ERBIN: variants seen among roughly 807,000 people sequenced by gnomAD.
ERBIN encodes erbb2 interacting protein, also known as densin-180-like protein.
In ERBIN, 60 loss-of-function variants were observed where a neutral mutation model predicts 158.4. The ratio of observed to expected loss-of-function variants is 0.38; its 90% CI spans 0.31 to 0.47. The LOEUF is 0.47. ERBIN is among the 20% of genes least tolerant of loss of function. ERBIN has a pLI of 0.99. For synonymous variants in ERBIN, 594 were observed against 557.2 expected, an observed-to-expected ratio of 1.07 and a Z score of -0.93; for missense variants, 1,610 against 1,648.0, an observed-to-expected ratio of 0.98 and a Z score of 0.40.
At chr5:66,067,420 G>A (rs940943333) in intron 21 of ERBIN, among the ~76,000 whole-genome samples, 11 of 152,186 alleles carry the variant, frequency 7.2e-5, no homozygotes, top group African/African-American at 2.2e-4. Flanking sequence ...GTTTCATCCA[G>A]TTTGACCATT....
intron 9 of ERBIN, 63 bp downstream of exon 9, chr5:66,023,427 T>C: frequency 2.1e-6 from 2 of 975,360 alleles, no homozygotes; most frequent in Non-Finnish European, 3.1e-6. Flanking sequence ...GTTTTGTGAA[T>C]TGTACCTTTT....
At chr5:65,930,724 C>A (rs761154284) in intron 1 of ERBIN, among the ~76,000 whole-genome samples, 1 of 152,154 alleles carries the variant, frequency 6.6e-6, no homozygotes, top group Non-Finnish European at 1.5e-5. Flanking sequence ...GACTTTGTAA[C>A]CCTCTCTACC....
intron 18 of ERBIN, among the ~76,000 whole-genome samples, chr5:66,047,089 C>T (rs1758517266): frequency 6.6e-6 from 1 of 152,002 alleles, no homozygotes; most frequent in Admixed American, 6.6e-5. Context: ...TGTTTCTCAC[C>T]CCAGAAAGAA....
At position 66,048,859 on chromosome 5, in the gene ERBIN, G is replaced by T. The variant is rs932407465; in HGVS notation, c.1903+78G>T. The T allele has an allele frequency of 1.6e-5, 13 of 823,192 alleles. No homozygotes were observed. In the African/African-American group the frequency reaches 2.3e-4, roughly 15 times the overall value. The allele number at this position is 823,192 out of a possible 1,614,324, so 51.0% of individuals were successfully genotyped here. ...AAATTTTTTTGAAATAAATTTCATT[G>T]AATATTATGTTATTTGATACATTTT... On this transcript the variant is annotated intron_variant, in intron 19 of 25. Coordinates refer to ENST00000284037, the MANE Select transcript of ERBIN (RefSeq NM_001253697.2).
rs1005415668 is a variant in ERBIN, at chr5:66,007,024, C to G, written c.308-5025C>G. 8.0e-5 allele frequency among the ~76,000 whole-genome samples: 12 copies of G among 149,246 alleles called. No individual in the cohort carries two copies. The East Asian group carries it at 1.4e-3, about 17-fold the overall frequency. On this transcript the variant is annotated intron_variant, in intron 4 of 25. Coordinates refer to ENST00000284037, the MANE Select transcript of ERBIN (RefSeq NM_001253697.2). Reference sequence around the variant, plus strand: ...AGAATAGAAATACCATTTGACCCAGCAATCCCATTACTGGGTATATACCCA... The same window carrying G: ...AGAATAGAAATACCATTTGACCCAGGAATCCCATTACTGGGTATATACCCA...
intron 6 of ERBIN, among the ~76,000 whole-genome samples, chr5:66,014,104 TTTAAA>T (rs1198705162): frequency 7.2e-5 from 11 of 152,136 alleles, no homozygotes; most frequent in Admixed American, 3.3e-4. Context: ...TATTACTGAG[TTTAAA>T]TTAACTACTA....
At chr5:66,020,701 TC>T (rs1755595466) in intron 7 of ERBIN, among the ~76,000 whole-genome samples, 3 of 152,102 alleles carry the variant, frequency 2.0e-5, no homozygotes, top group Admixed American at 2.0e-4. Context: ...TCTTTCAAGT[TC>T]CTGTAATTTC....
chr5:65,988,948 ACTCCAGC>A (rs1268615070), intron 2 of ERBIN, among the ~76,000 whole-genome samples: 9 of 134,128 alleles, frequency 6.7e-5, no homozygotes, highest in South Asian at 2.3e-4. Flanking sequence ...GCACCACTGC[ACTCCAGC>A]CTGGGCAACA....
In ERBIN at chr5:66,045,206, G is replaced by A. The variant is rs115812298; in HGVS notation, c.1602+896G>A. Among the ~76,000 whole-genome samples, 865 of 152,088 alleles carry A rather than the reference G, an allele frequency of 5.7e-3. 7 individuals carry two copies. Among genetic ancestry groups the A allele is most frequent in the African/African-American group, 0.02 (810 of 41,480 alleles). ...AGCACTCCGGCATGGGTGACAGAGC[G>A]AGACCCTGTCTCAAAAAAAGAAAAA... is the stretch of plus-strand genomic sequence containing the variant. On this transcript the variant is annotated intron_variant, in intron 17 of 25. Transcript: ENST00000284037.
chr5:65,981,023 A>C (rs1456551156), intron 1 of ERBIN, among the ~76,000 whole-genome samples: 1 of 152,244 alleles, frequency 6.6e-6, no homozygotes, highest in African/African-American at 2.4e-5. Context: ...GGAACCTCTC[A>C]CTAAGAATTA....
At chr5:65,978,422 A>C (rs866881059) in intron 1 of ERBIN, among the ~76,000 whole-genome samples, 2 of 152,204 alleles carry the variant, frequency 1.3e-5, no homozygotes, top group Non-Finnish European at 1.5e-5. Flanking sequence ...AAGTTACATC[A>C]GTCCTGCTAC....
At chr5:66,025,595 T>G in intron 11 of ERBIN, 43 bp downstream of exon 11, 1 of 1,405,992 alleles carries the variant, frequency 7.1e-7, no homozygotes, top group Non-Finnish European at 1.0e-6. Flanking sequence ...GATTTTACTT[T>G]CAGTTCAGCA....
chr5:66,046,179 T>C (rs1017030041), intron 17 of ERBIN, among the ~76,000 whole-genome samples, 174 bp from the exon 18 acceptor site: 2 of 152,212 alleles, frequency 1.3e-5, no homozygotes, highest in Non-Finnish European at 2.9e-5. Flanking sequence ...GGCCACGTGC[T>C]CCTAAAATGA....
intron 1 of ERBIN, among the ~76,000 whole-genome samples, chr5:65,981,458 A>G (rs1441793185): frequency 2.0e-5 from 3 of 152,280 alleles, no homozygotes; most frequent in Admixed American, 1.3e-4. Flanking sequence ...TGAACAAAAT[A>G]TAACATTTCC....
In ERBIN at chr5:65,972,437, G is replaced by C. The variant is rs963143574; in HGVS notation, c.-57-16198G>C. Among the ~76,000 whole-genome samples the C allele has an allele frequency of 4.0e-5, 6 of 151,258 alleles. 1 individual carries two copies. Among genetic ancestry groups the C allele is most frequent in the Non-Finnish European group, 5.9e-5 (4 of 68,020 alleles). On this transcript the variant is annotated intron_variant, in intron 1 of 25. Coordinates refer to ENST00000284037, the MANE Select transcript of ERBIN (RefSeq NM_001253697.2). ...TTGATTATATTTCAACATGCATAAA[G>C]TACTTTAGAGAGATGGGGAGTGCCA...
At chr5:65,997,279 C>T (rs908750132) in intron 4 of ERBIN, among the ~76,000 whole-genome samples, 3 of 152,072 alleles carry the variant, frequency 2.0e-5, no homozygotes, top group East Asian at 1.9e-4. Context: ...AGGTGCTTTC[C>T]GTCTATACCT....
intron 1 of ERBIN, among the ~76,000 whole-genome samples, chr5:65,952,071 C>T (rs1733078451): frequency 6.6e-6 from 1 of 152,166 alleles, no homozygotes; most frequent in Non-Finnish European, 1.5e-5. Context: ...GACTCATGTT[C>T]TGTGGGATGA....
chr5:66,003,574 T>A (rs1000137384), intron 4 of ERBIN, among the ~76,000 whole-genome samples: 1 of 152,218 alleles, frequency 6.6e-6, no homozygotes, highest in Admixed American at 6.5e-5. Context: ...CTGTTTGGTA[T>A]TTTTTGGCTT....
At chr5:66,063,124 C>G (rs1228185104) in intron 21 of ERBIN, among the ~76,000 whole-genome samples, 2 of 152,206 alleles carry the variant, frequency 1.3e-5, no homozygotes, top group Admixed American at 6.5e-5. Flanking sequence ...TTTGTCTGTG[C>G]CCTGCCCCCA....
Sources: allele counts gnomAD v4.1 joint callset (sites outside exome capture counted in the v4.1 genomes callset), GRCh38; gene constraint gnomAD v4.1.1; transcripts MANE v1.5; gene names NCBI Gene and HGNC (gene_info 2026-07-23, HGNC 2026-07-21).